Variants in STARD13 observed in about 807,000 individuals in gnomAD.
STARD13 encodes StAR related lipid transfer domain containing 13.
In STARD13, 62 loss-of-function variants were observed where a neutral mutation model predicts 106.4. The ratio of observed to expected loss-of-function variants is 0.58; its 90% CI spans 0.48 to 0.72. STARD13 has a LOEUF of 0.72. Ranked by LOEUF, STARD13 falls within the 30% of genes least tolerant of loss-of-function variation. The pLI is 0.00. For synonymous variants in STARD13, 565 were observed against 553.0 expected, an observed-to-expected ratio of 1.02 and a Z score of -0.31; for missense variants, 1,387 against 1,424.0, an observed-to-expected ratio of 0.97 and a Z score of 0.42.
At chr13:33,501,387 A>C in the STARD13 span, among the ~76,000 whole-genome samples, 1 of 152,078 alleles carries the variant, frequency 6.6e-6, no homozygotes, top group Non-Finnish European at 1.5e-5. Flanking sequence ...TCTTTAGTTT[A>C]ATTGGATCCC....
At chr13:33,184,093 C>A (rs1885517863) in intron 1 of STARD13, among the ~76,000 whole-genome samples, 1 of 152,218 alleles carries the variant, frequency 6.6e-6, no homozygotes, top group African/African-American at 2.4e-5. Flanking sequence ...CTTTAAACTT[C>A]TCCTTCCTGA....
In STARD13 at chr13:33,110,701, A is replaced by T. The variant is rs756801770; in HGVS notation, c.2814T>A (p.Asp938Glu). The T allele has an allele frequency of 8.1e-6, 13 of 1,614,078 alleles. No homozygotes were observed. The highest frequency in any genetic ancestry group is 1.1e-5 in the Non-Finnish European group (13 of 1,179,914). The change falls in exon 11 of 14, where the codon GAT becomes GAA. Residue 938 changes from aspartate (D) to glutamate (E), a missense_variant. By Grantham distance (45) the Asp-to-Glu change is conservative. Transcript: ENST00000336934. The stretch of plus-strand genomic sequence containing the variant: ...CTGAGATTACCTTTTTGAAAGCAAG[A>T]TCTGTATTGTCCGTGCTGGAGCACG... The part of the protein sequence containing the change: ...WVTCSSTDNT[D>E]LAFKKVGDGN...
At chr13:33,483,902 A>G in the STARD13 span, among the ~76,000 whole-genome samples, 1 of 152,250 alleles carries the variant, frequency 6.6e-6, no homozygotes, top group Non-Finnish European at 1.5e-5. Context: ...TATGAAAAGT[A>G]TATGATTTTC....
intron 3 of STARD13, chr13:33,164,489 T>C (rs935154774): frequency 6.6e-5 from 10 of 152,202 alleles, no homozygotes; most frequent in African/African-American, 2.4e-4. Context: ...CTAAACTAGC[T>C]GTATGGCCTT....
intron 3 of STARD13, among the ~76,000 whole-genome samples, chr13:33,160,176 A>G (rs932733421): frequency 6.6e-6 from 1 of 152,178 alleles, no homozygotes; most frequent in Non-Finnish European, 1.5e-5. Context: ...TTATACATAC[A>G]TGGTCAAAGG....
chr13:33,350,141 G>GGGTGGTGCCCGCAGCCCGCTCGCCCC, intron 1 of STARD13: 1 of 1,150,912 alleles, frequency 8.7e-7, no homozygotes, highest in East Asian at 3.4e-5. Context: ...GGCCCAGGGA[G>GGGTGGTGCCCGCAGCCCGCTCGCCCC]GGTGGTGCCC....
At chr13:33,557,858 G>C in the STARD13 span, among the ~76,000 whole-genome samples, 1 of 152,212 alleles carries the variant, frequency 6.6e-6, no homozygotes, top group Non-Finnish European at 1.5e-5. Context: ...AGAGGCCATA[G>C]AGAATTTAGG....
chr13:33,483,807 C>T, the STARD13 span, among the ~76,000 whole-genome samples: 3 of 152,182 alleles, frequency 2.0e-5, no homozygotes, highest in East Asian at 3.8e-4. Flanking sequence ...TGGCAATACT[C>T]ACACTCTCTG....
At position 33,103,161 on chromosome 13, in the gene STARD13, AAT is replaced by A. The variant is rs1292124665; in HGVS notation, c.*2430_*2431del. The A allele has an allele frequency of 6.6e-6, 1 of 152,490 alleles. No homozygotes were observed. The highest frequency in any genetic ancestry group is 6.5e-5 in the Admixed American group (1 of 15,280). 9.4% of individuals were successfully genotyped at this position (152,490 alleles called of 1,614,324 possible). A position where few individuals can be genotyped will look rare whatever the true frequency, so the allele number is the denominator to read the frequency against. On this transcript the variant is annotated 3_prime_UTR_variant, in exon 14 of 14. Coordinates refer to ENST00000336934, the MANE Select transcript of STARD13 (RefSeq NM_178006.4). ...ATTTTATAGAAAATAGGAAATATTT[AAT>A]ATATATAAATTTATTTGCCTTGGCA... is the stretch of plus-strand genomic sequence containing the variant.
chr13:33,118,360 T>C, intron 7 of STARD13, 97 bp from the exon 8 acceptor site: 1 of 976,076 alleles, frequency 1.0e-6, no homozygotes, highest in Non-Finnish European at 1.6e-6. Flanking sequence ...TGGAATTGCC[T>C]CCCAATTAGT....
intron 1 of STARD13, among the ~76,000 whole-genome samples, chr13:33,331,861 AG>A (rs2077840787): frequency 9.8e-6 from 1 of 101,560 alleles, no homozygotes; most frequent in Non-Finnish European, 2.4e-5. Flanking sequence ...CAAGGGCCAG[AG>A]GTTATTTGCT....
chr13:33,621,636 C>T, the STARD13 span, among the ~76,000 whole-genome samples: 1 of 134,328 alleles, frequency 7.4e-6, no homozygotes, highest in Non-Finnish European at 1.5e-5. Flanking sequence ...GCCGAGAACA[C>T]GCCATTGCAC....
the STARD13 span, among the ~76,000 whole-genome samples, chr13:33,464,283 A>C: frequency 6.6e-6 from 1 of 152,006 alleles, no homozygotes; most frequent in Non-Finnish European, 1.5e-5. Context: ...CTTTATTTGA[A>C]TGTTCCAATA....
At chr13:33,237,512 C>T (rs1442480934) in intron 1 of STARD13, among the ~76,000 whole-genome samples, 1 of 152,166 alleles carries the variant, frequency 6.6e-6, no homozygotes, top group East Asian at 1.9e-4. Flanking sequence ...TCTCACTTCC[C>T]ACATGAACTA....
chr13:33,539,155 A>C, the STARD13 span, among the ~76,000 whole-genome samples: 1 of 152,236 alleles, frequency 6.6e-6, no homozygotes, highest in Admixed American at 6.5e-5. Flanking sequence ...TGAAAACTTA[A>C]ACTAAAAAAA....
At chr13:33,344,440 A>G (rs1347947826), downstream of STARD13, among the ~76,000 whole-genome samples, 1 of 152,234 alleles carries the variant, frequency 6.6e-6, no homozygotes, top group African/African-American at 2.4e-5. Flanking sequence ...TATAAAATAC[A>G]TGAAAAGAAT....
chr13:33,199,355 G>A lies in STARD13; in HGVS notation c.170-31733C>T, dbSNP rs2138084722. Among the ~76,000 whole-genome samples the A allele has an allele frequency of 2.0e-5, 3 of 152,312 alleles. No homozygotes were observed. The Middle Eastern group carries it at 0.01, about 518-fold the overall frequency. On this transcript the variant is annotated intron_variant, in intron 1 of 13. Transcript: ENST00000336934. ...TCATAGTTCCTTTCACACAGTAGAT[G>A]CTCAATAAATGTTTGTTGGCATTAA... is the stretch of plus-strand genomic sequence containing the variant.
the STARD13 span, among the ~76,000 whole-genome samples, chr13:33,360,720 A>AG: frequency 7.2e-6 from 1 of 139,622 alleles, no homozygotes; most frequent in Non-Finnish European, 1.6e-5. Context: ...CTGTGTAGAC[A>AG]GAAGGACATA....
rs41306650 is a variant in STARD13, at chr13:33,129,103, G to A, written c.1574C>T (p.Thr525Ile). ...DTLVGEPGLS[T>I]FPSPNQITLD... ...GGTGATCTGATTAGGAGATGGAAAG[G>A]TGGATAAGCCAGGTTCCCCAACCAA... is the stretch of plus-strand genomic sequence containing the variant. The change falls in exon 5 of 14, where the codon ACC (threonine) becomes ATC (isoleucine). Residue 525 changes from threonine (T) to isoleucine (I), a missense_variant. Transcript: ENST00000336934. The A allele has an allele frequency of 6.4e-4, 1,041 of 1,614,170 alleles. No homozygotes were observed. The highest frequency in any genetic ancestry group is 8.2e-4 in the Non-Finnish European group (970 of 1,180,034).
Sources: gnomAD v4.1 joint callset for allele counts (sites outside exome capture counted in the v4.1 genomes callset) on GRCh38, gnomAD v4.1.1 for gene constraint, MANE v1.5 for transcripts, NCBI Gene and HGNC (gene_info 2026-07-23, HGNC 2026-07-21) for gene names.